TJAP1: variants seen among roughly 807,000 people sequenced by gnomAD.
TJAP1 encodes tight junction-associated protein 1.
Under a neutral mutation model 42.0 loss-of-function variants are expected in TJAP1, and 27 were observed. That is an observed-to-expected ratio of 0.64 (90% CI 0.47 to 0.89). TJAP1 has a LOEUF of 0.89. Ranked by LOEUF, TJAP1 falls within the 40% of genes least tolerant of loss-of-function variation. The pLI, the probability that TJAP1 is intolerant of heterozygous loss-of-function variation, is 0.00. For missense variants in TJAP1, 712 were observed against 726.9 expected, an observed-to-expected ratio of 0.98 and a Z score of 0.24; for synonymous variants, 257 against 288.4, an observed-to-expected ratio of 0.89 and a Z score of 1.10.
At chr6:43,488,786 T>A (rs1787136838) in intron 2 of TJAP1, among the ~76,000 whole-genome samples, 1 of 152,214 alleles carries the variant, frequency 6.6e-6, no homozygotes, top group Non-Finnish European at 1.5e-5. Context: ...GTCTTTTTTT[T>A]CTAGACAGTT....
chr6:43,486,906 G>T (rs1185289364), intron 2 of TJAP1, among the ~76,000 whole-genome samples: 1 of 152,126 alleles, frequency 6.6e-6, no homozygotes, highest in Non-Finnish European at 1.5e-5. Flanking sequence ...GTTTTCCCTG[G>T]GTTCTCTCCC....
At chr6:43,486,946 G>A (rs971534810) in intron 2 of TJAP1, among the ~76,000 whole-genome samples, 3 of 152,178 alleles carry the variant, frequency 2.0e-5, no homozygotes, top group Admixed American at 1.3e-4. Context: ...TGTGCATTGC[G>A]TTGTGGCATA....
chr6:43,502,656 C>T (rs1360443344), intron 8 of TJAP1, 39 bp downstream of exon 8: 3 of 1,550,526 alleles, frequency 1.9e-6, no homozygotes, highest in Non-Finnish European at 2.6e-6. Context: ...CTTGCCCTGG[C>T]CTTCTCCTCA....
In TJAP1 at chr6:43,505,563, C is replaced by T; in HGVS notation, c.1382C>T (p.Ser461Phe). ...AGAGATGAGGTGGTCCAGGCACCTT[C>T]TGCCCGACCCGAAGAGAGTGAGCTT... The change falls in exon 11 of 11, where the codon TCT becomes TTT. Residue 461 changes from serine to phenylalanine, a missense_variant. Ser to Phe is a radical substitution (Grantham distance 155). This residue lies in a region of TJAP1 where 549 missense variants were observed against 528.2 expected (regional missense o/e 1.04). Coordinates refer to ENST00000372449, the Ensembl canonical transcript of TJAP1. This position sits in a 1 kb window ranked among gnomAD's most constrained non-coding sequence, Gnocchi z 5.5. 6.2e-7 allele frequency: 1 copy of T among 1,613,834 alleles called. No individual in the cohort carries two copies.
chr6:43,503,642 G>A (rs1212205413), exon 10 of TJAP1: 1 of 1,614,126 alleles, frequency 6.2e-7, no homozygotes. Context: ...CGGCTGGACT[G>A]CAACCTGGCT....
At chr6:43,480,895 G>A (rs1319502908) in intron 2 of TJAP1, among the ~76,000 whole-genome samples, 1 of 152,152 alleles carries the variant, frequency 6.6e-6, no homozygotes, top group African/African-American at 2.4e-5. Flanking sequence ...GAGGCAGAGT[G>A]GTTAAGTAAT....
rs146174516 is a variant in TJAP1 at position 43,501,620 on chromosome 6, G to A, written c.223G>A (p.Asp75Asn). Residue 75 changes from aspartate (D) to asparagine (N), a missense_variant, in exon 6 of 11, where the codon GAC becomes AAC. By Grantham distance (23) the Asp-to-Asn change is conservative (BLOSUM62 1). This residue lies in a region of TJAP1 where 158 missense variants were observed against 182.1 expected (regional missense o/e 0.87). Coordinates refer to ENST00000372449, the Ensembl canonical transcript of TJAP1. The stretch of plus-strand genomic sequence containing the variant: ...GGAACGTGAGCTGGAAATTGGGCAG[G>A]ACTGCCTGGAGCTGGAGCTGGGCCA... 6.4e-3 allele frequency: 10,349 copies of A among 1,611,152 alleles called. 33 individuals are homozygous for A. The highest frequency in any genetic ancestry group is 9.2e-3 in the Middle Eastern group (55 of 6,010).
rs1787978941 is a variant in TJAP1 at position 43,492,264 on chromosome 6, C to T, written c.-121-5617C>T. On this transcript the variant is annotated intron_variant, in intron 2 of 10. Transcript: ENST00000372449. This position sits in a 1 kb window ranked among gnomAD's most constrained non-coding sequence, Gnocchi z 4.2. The stretch of plus-strand genomic sequence containing the variant: ...CCCACTCTTTTTGGCTTTCAAAACC[C>T]TGTCAATCTGTTTGGTTTAGAGTAG... Among the ~76,000 whole-genome samples the T allele has an allele frequency of 6.6e-6, 1 of 152,156 alleles. No individual in the cohort carries two copies. The highest frequency in any genetic ancestry group is 2.1e-4 in the South Asian group (1 of 4,828).
chr6:43,483,546 T>G (rs1244650070), intron 2 of TJAP1, among the ~76,000 whole-genome samples: 6 of 152,244 alleles, frequency 3.9e-5, no homozygotes, highest in African/African-American at 1.4e-4. Flanking sequence ...GGGCTCTGTT[T>G]ACTTGTCTGT....
Position 43,499,111 on chromosome 6 carries a change from C to G in TJAP1, c.99+11C>G, listed in dbSNP as rs373642503. On this transcript the variant is annotated intron_variant, in intron 4 of 10. Coordinates refer to ENST00000372449, the Ensembl canonical transcript of TJAP1. Reference sequence around the variant, plus strand: ...CGGCTTGAGCAGGAGGTCAGCAAGACTGGTATCACAGCCTGACCGGCAGAG... The same window carrying G: ...CGGCTTGAGCAGGAGGTCAGCAAGAGTGGTATCACAGCCTGACCGGCAGAG... The G allele has an allele frequency of 6.2e-7, 1 of 1,613,320 alleles. No homozygotes were observed. The highest frequency in any genetic ancestry group is 1.1e-5 in the South Asian group (1 of 91,076).
intron 2 of TJAP1, among the ~76,000 whole-genome samples, chr6:43,481,375 G>A (rs550801475): frequency 1.1e-4 from 16 of 151,988 alleles, no homozygotes; most frequent in African/African-American, 1.7e-4. Context: ...GTAGATGTAC[G>A]TATAAGGCTC....
intron 6 of TJAP1, 60 bp downstream of exon 6, chr6:43,501,747 CACACACACACACTCTCTCT>C (rs1428528542): frequency 1.3e-3 from 869 of 694,028 alleles, no homozygotes; most frequent in Non-Finnish European, 1.8e-3. Flanking sequence ...CACACACACA[CACACACACACACTCTCTCT>C]GTCTCTCTCT....
Position 43,502,365 on chromosome 6 carries a change from GGGC to G in TJAP1, c.357+17_357+19del. ...GCACACACTGGTAATCTGTCTGGGA[GGGC>G]AGCTTGGTGGGCACTGTGCTCATAG... On this transcript the variant is annotated intron_variant, in intron 7 of 10. Coordinates refer to ENST00000372449, the Ensembl canonical transcript of TJAP1. The G allele has an allele frequency of 6.2e-7, 1 of 1,612,838 alleles. No homozygotes were observed. Among genetic ancestry groups the G allele is most frequent in the South Asian group, 1.1e-5 (1 of 90,770 alleles).
chr6:43,490,592 C>T (rs796509290), intron 2 of TJAP1, among the ~76,000 whole-genome samples: 8 of 152,316 alleles, frequency 5.3e-5, no homozygotes, highest in African/African-American at 1.9e-4. Flanking sequence ...AAAACCTTGA[C>T]CTGGTTCTGG....
chr6:43,505,599 C>G lies in TJAP1; in HGVS notation c.1418C>G (p.Thr473Arg). 1 of 1,613,598 alleles carries G rather than the reference C, an allele frequency of 6.2e-7. No homozygotes were observed. The highest frequency in any genetic ancestry group is 8.5e-7 in the Non-Finnish European group (1 of 1,180,036). Residue 473 changes from threonine (T) to arginine (R), a missense_variant, in exon 11 of 11, where the codon ACA becomes AGA. By Grantham distance (71) the Thr-to-Arg change is moderately conservative. Transcript: ENST00000372449. The surrounding 1 kb of genome is among the most constrained non-coding windows in gnomAD (Gnocchi z 5.5). The stretch of plus-strand genomic sequence containing the variant: ...GAAGAGAGTGAGCTTTTGCTACCCA[C>G]AGAACCTGACTCTGGCTTTCCCAGG...
At chr6:43,478,315 C>T (rs1178218463) in intron 2 of TJAP1, 83 bp downstream of exon 2, 1 of 152,210 alleles carries the variant, frequency 6.6e-6, no homozygotes, top group Non-Finnish European at 1.5e-5. Context: ...TGCCAAGAAA[C>T]ATTTGGTCTG....
intron 4 of TJAP1, 113 bp from the exon 5 acceptor site, chr6:43,500,631 C>A: frequency 8.5e-7 from 1 of 1,171,768 alleles, no homozygotes; most frequent in Non-Finnish European, 1.3e-6. Context: ...CCCTCTTCTG[C>A]TATAAGAGTC....
At chr6:43,489,710 G>GGTC (rs1562249685) in intron 2 of TJAP1, 2 of 152,228 alleles carry the variant, frequency 1.3e-5, no homozygotes, top group Admixed American at 1.3e-4. Flanking sequence ...TTTTGCCTGA[G>GGTC]GTCAGCAAGC....
chr6:43,501,531 T>C (rs1238429654), exon 6 of TJAP1: 18 of 1,613,054 alleles, frequency 1.1e-5, no homozygotes, highest in Non-Finnish European at 1.4e-5. Context: ...GCCAGGCTCT[T>C]ACAGGAGGAG....
Sources: gnomAD v4.1 joint callset for allele counts (sites outside exome capture counted in the v4.1 genomes callset) on GRCh38, gnomAD v4.1.1 for gene constraint, gnomAD v4.1.1 regional missense constraint, Gnocchi (gnomAD v3.1) non-coding constraint, MANE v1.5 for transcripts, NCBI Gene and HGNC (gene_info 2026-07-23, HGNC 2026-07-21) for gene names.